MYL4: variants seen among roughly 807,000 people sequenced by gnomAD.
MYL4 encodes myosin light chain 4, also known as atrial myosin light chain 1.
A neutral mutation model predicts 21.6 loss-of-function variants in MYL4; 16 were observed. The ratio of observed to expected loss-of-function variants is 0.74; its 90% CI spans 0.50 to 1.12. MYL4 has a LOEUF of 1.12. Ranked by LOEUF, MYL4 falls within the 50% of genes most tolerant of loss-of-function variation. The pLI is 0.00. For synonymous variants in MYL4, 82 were observed against 95.7 expected (o/e 0.86, Z 0.83); for missense variants, 249 against 252.9 (o/e 0.98, Z 0.11).
At chr17:47,207,699 A>G (rs964090242), upstream of MYL4, among the ~76,000 whole-genome samples, 3 of 152,200 alleles carry the variant, frequency 2.0e-5, no homozygotes, top group African/African-American at 7.2e-5. Flanking sequence ...AGCACAAAGC[A>G]GTTTTGTGTA....
chr17:47,193,543 C>T, the MYL4 span, among the ~76,000 whole-genome samples: 2 of 152,038 alleles, frequency 1.3e-5, no homozygotes, highest in African/African-American at 2.4e-5. Flanking sequence ...GCTGGGATTA[C>T]AGGCATGAGC....
Position 47,214,768 on chromosome 17 carries a change from G to A in MYL4, c.163+942G>A, listed in dbSNP as rs566397336. On this transcript the variant is annotated intron_variant, in intron 2 of 6. Coordinates refer to ENST00000393450, the MANE Select transcript of MYL4 (RefSeq NM_002476.2). ...CACAAGTTTGTGTGTATGTATGAGTGTATACAGTTTATACAAATCAAGCCG... is the reference window on the plus strand; with the variant it reads ...CACAAGTTTGTGTGTATGTATGAGTATATACAGTTTATACAAATCAAGCCG... 5.3e-5 allele frequency among the ~76,000 whole-genome samples: 8 copies of A among 152,248 alleles called. No homozygotes were observed. The South Asian group carries it at 1.7e-3, about 32-fold the overall frequency.
At chr17:47,214,764 G>C (rs1196322670) in intron 2 of MYL4, among the ~76,000 whole-genome samples, 1 of 152,160 alleles carries the variant, frequency 6.6e-6, no homozygotes, top group Non-Finnish European at 1.5e-5. Context: ...GTGTATGTAT[G>C]AGTGTATACA....
upstream of MYL4, among the ~76,000 whole-genome samples, chr17:47,197,387 C>T (rs1216019395): frequency 6.6e-6 from 1 of 152,070 alleles, no homozygotes; most frequent in East Asian, 1.9e-4. Context: ...CATGAGCCAC[C>T]GCACCCGGCC....
chr17:47,220,515 T>C (rs1350894975), intron 3 of MYL4, among the ~76,000 whole-genome samples: 1 of 152,254 alleles, frequency 6.6e-6, no homozygotes, highest in Non-Finnish European at 1.5e-5. Context: ...AATTGTTTGG[T>C]ATAAATTAGA....
chr17:47,210,505 G>T (rs1409351617), intron 1 of MYL4, among the ~76,000 whole-genome samples: 1 of 152,126 alleles, frequency 6.6e-6, no homozygotes. Context: ...ATAACAGGTT[G>T]GGAGTGCTGA....
At chr17:47,192,527 T>A in the MYL4 span, among the ~76,000 whole-genome samples, 1 of 143,746 alleles carries the variant, frequency 7.0e-6, no homozygotes, top group Non-Finnish European at 1.5e-5. Flanking sequence ...TGGGCACCTG[T>A]GGTCCCCAGC....
At chr17:47,209,837 A>G (rs2064760379) in intron 1 of MYL4, 1 of 548,180 alleles carries the variant, frequency 1.8e-6, no homozygotes, top group South Asian at 2.0e-5. Context: ...GGGGAGGTAC[A>G]ACCAACCATC....
chr17:47,211,459 G>T (rs1515752), intron 1 of MYL4, among the ~76,000 whole-genome samples: 102,260 of 152,050 alleles, frequency 0.67, 34,947 homozygotes, highest in East Asian at 0.85. Flanking sequence ...TGTGTAGTTA[G>T]GACCACGTCT....
At chr17:47,190,952 A>G in the MYL4 span, among the ~76,000 whole-genome samples, 2 of 152,240 alleles carry the variant, frequency 1.3e-5, no homozygotes, top group Non-Finnish European at 2.9e-5. Flanking sequence ...GGCTTCACTC[A>G]CATGTCTAGG....
At chr17:47,223,952 C>T (rs1367819614), downstream of MYL4, among the ~76,000 whole-genome samples, 2 of 152,162 alleles carry the variant, frequency 1.3e-5, no homozygotes, top group African/African-American at 2.4e-5. Flanking sequence ...TCACCCTCTA[C>T]CTAATCACAC....
In MYL4 at chr17:47,213,660, T is replaced by C. The variant is rs556145654; in HGVS notation, c.136-139T>C. The C allele has an allele frequency of 3.6e-6, 3 of 828,684 alleles. No homozygotes were observed. In the South Asian group the frequency reaches 4.2e-5, roughly 12 times the overall value. 51.3% of individuals were successfully genotyped at this position (828,684 alleles called of 1,614,324 possible). The stretch of plus-strand genomic sequence containing the variant: ...ACTTGTGTTTTACCCTTAGCACAAG[T>C]CACCTTCCCTGCTTATCAGTGGCCT... On this transcript the variant is annotated intron_variant, in intron 1 of 6. Coordinates refer to ENST00000393450, the MANE Select transcript of MYL4 (RefSeq NM_002476.2).
intron 2 of MYL4, among the ~76,000 whole-genome samples, chr17:47,219,250 A>G (rs79702286): frequency 0.082 from 12,515 of 152,272 alleles, 702 homozygotes; most frequent in East Asian, 0.2. Context: ...AAGTGCTTCC[A>G]CACACTGCGA....
chr17:47,201,454 CT>C lies in MYL4; in HGVS notation c.-35+880del, dbSNP rs568623330. Among the ~76,000 whole-genome samples, 308 of 145,052 alleles carry C rather than the reference CT, an allele frequency of 2.1e-3. 1 individual carries two copies. In the Middle Eastern group the frequency reaches 0.029, roughly 13 times the overall value. On this transcript the variant is annotated intron_variant and NMD_transcript_variant, in intron 1 of 6. Coordinates refer to the MYL4 transcript ENST00000571981. ...TCTTGTTTAATTACTTATTTCTTTT[CT>C]TTTTTTTTTTTCTTTTTTGAGGCGG...
intron 2 of MYL4, among the ~76,000 whole-genome samples, chr17:47,215,411 A>G (rs1441280252): frequency 6.6e-6 from 1 of 152,170 alleles, no homozygotes; most frequent in Non-Finnish European, 1.5e-5. Context: ...TCTGACTTTG[A>G]AGACATTTTT....
upstream of MYL4, among the ~76,000 whole-genome samples, chr17:47,200,027 C>T (rs965637903): frequency 6.6e-6 from 1 of 151,092 alleles, no homozygotes; most frequent in Non-Finnish European, 1.5e-5. Flanking sequence ...AGATGTGAGC[C>T]ACCACGCCTG....
the MYL4 span, among the ~76,000 whole-genome samples, chr17:47,190,391 C>A: frequency 1.3e-5 from 2 of 152,302 alleles, no homozygotes; most frequent in African/African-American, 2.4e-5. Flanking sequence ...CTTCTCCCCC[C>A]AAAAAGAGTG....
chr17:47,197,480 C>G (rs1219601452), upstream of MYL4, among the ~76,000 whole-genome samples: 1 of 152,024 alleles, frequency 6.6e-6, no homozygotes, highest in Non-Finnish European at 1.5e-5. Context: ...AGATGAGCTC[C>G]GAGATGTGCT....
intron 1 of MYL4, among the ~76,000 whole-genome samples, chr17:47,212,761 A>G (rs1006765499): frequency 5.3e-5 from 8 of 152,214 alleles, no homozygotes; most frequent in African/African-American, 1.9e-4. Context: ...TGAAACTGTC[A>G]TGTTTGGGGA....
Sources: allele counts gnomAD v4.1 joint callset (sites outside exome capture counted in the v4.1 genomes callset), GRCh38; gene constraint gnomAD v4.1.1; transcripts MANE v1.5; gene names NCBI Gene and HGNC (gene_info 2026-07-23, HGNC 2026-07-21).